The following POLR2F variants were observed in gnomAD, a reference collection of about 807,000 sequenced individuals.
The protein encoded by POLR2F is DNA-directed RNA polymerases I, II, and III subunit RPABC2.
Under a neutral mutation model 22.7 loss-of-function variants are expected in POLR2F, and 12 were observed. The ratio of observed to expected loss-of-function variants is 0.53; its 90% CI spans 0.34 to 0.86. The LOEUF (loss-of-function observed/expected upper bound fraction) is 0.86. Among genes scored for constraint, POLR2F ranks in the 40% least tolerant of loss-of-function variants. POLR2F has a pLI of 0.02. For missense variants in POLR2F, 126 were observed against 171.5 expected (o/e 0.73, Z 1.48); for synonymous variants, 57 against 66.0 (o/e 0.86, Z 0.66).
downstream of POLR2F, among the ~76,000 whole-genome samples, chr22:38,030,036 A>G (rs713991): frequency 0.64 from 97,997 of 152,142 alleles, 32,568 homozygotes; most frequent in African/African-American, 0.81. Context: ...GGCCTTTTCC[A>G]CAAGCATCAT....
At chr22:38,021,804 G>A (rs2084962345) in intron 1 of POLR2F, among the ~76,000 whole-genome samples, 2 of 151,780 alleles carry the variant, frequency 1.3e-5, no homozygotes, top group East Asian at 3.9e-4. Flanking sequence ...GGGGCACAGA[G>A]TCCCAGAATA....
intron 5 of POLR2F, among the ~76,000 whole-genome samples, chr22:38,033,650 G>A (rs140619288): frequency 8.7e-4 from 133 of 152,356 alleles, no homozygotes; most frequent in African/African-American, 3.1e-3. Flanking sequence ...CCGGCGGAGC[G>A]GGAGGGACTG....
At chr22:38,028,489 CGT>C (rs149598405), downstream of POLR2F, among the ~76,000 whole-genome samples, 29 of 151,270 alleles carry the variant, frequency 1.9e-4, no homozygotes, top group Non-Finnish European at 1.9e-4. Flanking sequence ...TCTGTGTGTG[CGT>C]GTGTGTGTGT....
intron 1 of POLR2F, among the ~76,000 whole-genome samples, chr22:38,011,250 C>T (rs965167001): frequency 1.8e-4 from 28 of 151,934 alleles, no homozygotes; most frequent in African/African-American, 6.5e-4. Flanking sequence ...TATAGGCATT[C>T]GCACCATGCC....
chr22:38,026,423 T>C, exon 3 of POLR2F: 1 of 445,282 alleles, frequency 2.2e-6, no homozygotes, highest in South Asian at 1.6e-5. Flanking sequence ...TGGGTCTCAG[T>C]TTCCCCCTCT....
intron 5 of POLR2F, chr22:38,040,753 T>C: frequency 2.3e-6 from 1 of 435,636 alleles, no homozygotes; most frequent in Non-Finnish European, 4.2e-6. Context: ...TTTCCTCCTT[T>C]GTGAACGAGG....
chr22:37,975,737 T>C (rs1932200877), intron 4 of POLR2F, among the ~76,000 whole-genome samples: 1 of 152,148 alleles, frequency 6.6e-6, no homozygotes, highest in East Asian at 1.9e-4. Context: ...CAGTCTTCTC[T>C]TAACTAGTTT....
chr22:37,973,947 C>T (rs1316762696), downstream of POLR2F: 14 of 1,610,770 alleles, frequency 8.7e-6, 1 homozygote, highest in African/African-American at 8.0e-5. Flanking sequence ...AGCCCATAGC[C>T]GGCTGCTGAG....
intron 1 of POLR2F, 79 bp downstream of exon 1, chr22:37,953,886 C>G: frequency 6.6e-7 from 1 of 1,520,856 alleles, no homozygotes; most frequent in South Asian, 1.2e-5. Context: ...GCTGAGGAGC[C>G]TGGCGTCTAG....
chr22:37,980,360 C>A lies in POLR2F; in HGVS notation c.293+13190C>A, dbSNP rs575988389. Reference sequence around the variant, plus strand: ...GAGCTCACTCTTTCACCTATCCTTCCCTTGCCCCCTGCCCAGCTGGCAGCC... The same window carrying A: ...GAGCTCACTCTTTCACCTATCCTTCACTTGCCCCCTGCCCAGCTGGCAGCC... On this transcript the variant is annotated intron_variant, in intron 4 of 4. Coordinates refer to the POLR2F transcript ENST00000405557. This position sits in a 1 kb window ranked among gnomAD's most constrained non-coding sequence, Gnocchi z 4.1. 6.6e-6 allele frequency among the ~76,000 whole-genome samples: 1 copy of A among 152,254 alleles called. No homozygotes were observed. Among genetic ancestry groups the A allele is most frequent in the Admixed American group, 6.5e-5 (1 of 15,298 alleles).
chr22:37,986,551 A>G lies in POLR2F; in HGVS notation c.120+239A>G, dbSNP rs1168678241. On this transcript the variant is annotated intron_variant, in intron 1 of 2. Coordinates refer to the POLR2F transcript ENST00000333418. The surrounding 1 kb of genome is among the most constrained non-coding windows in gnomAD (Gnocchi z 4.7). The stretch of plus-strand genomic sequence containing the variant: ...GCTGTGCCAGGATGGGGGTGGGGGT[A>G]GCAGTGGGCACGCTCTGTCTGCAGG... 2 of 915,926 alleles carry G rather than the reference A, an allele frequency of 2.2e-6. No homozygotes were observed. Among genetic ancestry groups the G allele is most frequent in the Non-Finnish European group, 3.4e-6 (2 of 581,484 alleles). The allele number at this position is 915,926 out of a possible 1,614,324, so 56.7% of individuals were successfully genotyped here.
downstream of POLR2F, chr22:38,041,567 C>T (rs568284950): frequency 6.5e-4 from 103 of 158,118 alleles, 2 homozygotes; most frequent in South Asian, 3.5e-3. Context: ...TGCATCCTTA[C>T]GTTAACTCAT....
intron 1 of POLR2F, chr22:38,025,624 A>G (rs760030716): frequency 6.4e-7 from 1 of 1,559,256 alleles, no homozygotes; most frequent in Non-Finnish European, 8.7e-7. Flanking sequence ...CCTCCTACGC[A>G]CTGGCCCACA....
At chr22:38,033,949 T>C (rs1312202787) in intron 5 of POLR2F, among the ~76,000 whole-genome samples, 1 of 152,140 alleles carries the variant, frequency 6.6e-6, no homozygotes, top group Non-Finnish European at 1.5e-5. Flanking sequence ...ACCCCTTTGA[T>C]TCTGGGAGTC....
At position 37,997,727 on chromosome 22, in the gene POLR2F, G is replaced by A. The variant is rs1045172541; in HGVS notation, c.120+11415G>A. Among the ~76,000 whole-genome samples the A allele has an allele frequency of 5.9e-5, 9 of 152,040 alleles. No homozygotes were observed. Among genetic ancestry groups the A allele is most frequent in the African/African-American group, 2.2e-4 (9 of 41,390 alleles). ...CTCCCTCGTGCCTGTGCCCAGCTCC[G>A]CATCTCCCTCTTCCCATTTCCAGCT... On this transcript the variant is annotated intron_variant, in intron 1 of 2. Coordinates refer to the POLR2F transcript ENST00000333418. This position sits in a 1 kb window ranked among gnomAD's most constrained non-coding sequence, Gnocchi z 4.4.
intron 1 of POLR2F, among the ~76,000 whole-genome samples, chr22:38,010,051 G>T (rs2084857431): frequency 6.6e-6 from 1 of 152,074 alleles, no homozygotes; most frequent in South Asian, 2.1e-4. Context: ...GGAATGTCTG[G>T]GTCATGAGGT....
intron 2 of POLR2F, 175 bp downstream of exon 2, chr22:37,957,017 TG>T: frequency 1.6e-6 from 1 of 636,228 alleles, no homozygotes; most frequent in Non-Finnish European, 2.9e-6. Context: ...CCCTGCAGGG[TG>T]GGCCTGAAAG....
In POLR2F at chr22:37,987,242, C is replaced by T. The variant is rs3788531; in HGVS notation, c.120+930C>T. ...CTTCCATGGCCCAAGGAGGCCTTTC[C>T]GGAGCAACAGGGTTTTCCTGGGACT... is the stretch of plus-strand genomic sequence containing the variant. On this transcript the variant is annotated intron_variant, in intron 1 of 2. Coordinates refer to the POLR2F transcript ENST00000333418. 32 of 456,658 alleles carry T rather than the reference C, an allele frequency of 7.0e-5. No homozygotes were observed. The East Asian group carries it at 1.7e-3, about 25-fold the overall frequency. 28.3% of individuals were successfully genotyped at this position (456,658 alleles called of 1,614,324 possible).
downstream of POLR2F, chr22:37,969,313 C>T: frequency 3.0e-6 from 3 of 985,376 alleles, no homozygotes; most frequent in Non-Finnish European, 3.6e-6. Context: ...CCGGTCACCA[C>T]TATTGGTTCT....
Sources: allele counts gnomAD v4.1 joint callset (sites outside exome capture counted in the v4.1 genomes callset), GRCh38; gene constraint gnomAD v4.1.1; non-coding constraint Gnocchi (gnomAD v3.1); transcripts MANE v1.5; gene names NCBI Gene and HGNC (gene_info 2026-07-23, HGNC 2026-07-21).